Variants in POU6F2 observed in about 807,000 individuals in gnomAD.
POU6F2 encodes the protein POU class 6 homeobox 2, also known as POU domain, class 6, transcription factor 2.
A neutral mutation model predicts 71.3 loss-of-function variants in POU6F2; 31 were observed. That is an observed-to-expected ratio of 0.43 (90% CI 0.33 to 0.59). The LOEUF is 0.59. POU6F2 is among the 20% of genes least tolerant of loss of function. POU6F2 has a pLI of 0.04. For missense variants in POU6F2, 783 were observed against 856.8 expected (o/e 0.91, Z 1.07); for synonymous variants, 347 against 355.7 (o/e 0.98, Z 0.27).
At chr7:39,361,775 C>T (rs1175708545) in intron 5 of POU6F2, among the ~76,000 whole-genome samples, 4 of 152,314 alleles carry the variant, frequency 2.6e-5, no homozygotes, top group East Asian at 3.9e-4. Context: ...TCTCCTTACT[C>T]GTGCTGTTTG....
rs1466119664 is a variant in POU6F2, at chr7:39,016,040, T to TC, written c.105+37982_105+37983insC. Among the ~76,000 whole-genome samples the TC allele has an allele frequency of 4.4e-4, 24 of 54,568 alleles. 4 individuals are homozygous for TC. The East Asian group carries it at 8.0e-3, about 18-fold the overall frequency. 35.8% of individuals were successfully genotyped at this position (54,568 alleles called of 152,430 possible). A position where few individuals can be genotyped will look rare whatever the true frequency, so the allele number is the denominator to read the frequency against. ...TATATATATTATATATAGATATATATTATATATTATATATATTATATATAA... is the reference window on the plus strand; with the variant it reads ...TATATATATTATATATAGATATATATCTATATATTATATATATTATATATAA... On this transcript the variant is annotated intron_variant, in intron 1 of 9. Coordinates refer to ENST00000518318, the MANE Select transcript of POU6F2 (RefSeq NM_001370959.1).
At chr7:39,021,175 T>C (rs1789672426) in intron 1 of POU6F2, among the ~76,000 whole-genome samples, 1 of 151,974 alleles carries the variant, frequency 6.6e-6, no homozygotes, top group South Asian at 2.1e-4. Context: ...TACACTGTAA[T>C]GTTTGGTATA....
intron 1 of POU6F2, among the ~76,000 whole-genome samples, chr7:39,012,479 G>C (rs890924277): frequency 6.7e-6 from 1 of 149,126 alleles, no homozygotes; most frequent in African/African-American, 2.5e-5. Flanking sequence ...ATGTCCTCCC[G>C]TAGCTCAGAG....
At chr7:39,344,811 CTG>C (rs1785996040) in intron 5 of POU6F2, among the ~76,000 whole-genome samples, 1 of 152,152 alleles carries the variant, frequency 6.6e-6, no homozygotes, top group South Asian at 2.1e-4. Context: ...ACCCCTAAAA[CTG>C]TGTAGAGTTG....
chr7:39,249,428 C>A (rs932201054), intron 4 of POU6F2, among the ~76,000 whole-genome samples: 15 of 152,192 alleles, frequency 9.9e-5, no homozygotes, highest in Admixed American at 3.3e-4. Context: ...AAACGTACAG[C>A]ACCCACCACA....
chr7:39,074,935 A>T (rs886669645), intron 1 of POU6F2, among the ~76,000 whole-genome samples: 1 of 152,064 alleles, frequency 6.6e-6, no homozygotes, highest in Non-Finnish European at 1.5e-5. Flanking sequence ...ATATACTGTT[A>T]TTACCCCATT....
chr7:39,333,196 T>C (rs1052974050), intron 4 of POU6F2, among the ~76,000 whole-genome samples: 4 of 152,182 alleles, frequency 2.6e-5, no homozygotes, highest in Non-Finnish European at 2.9e-5. Context: ...CCTTCGCTTT[T>C]TATCTTTCCT....
At chr7:39,433,381 C>G in intron 7 of POU6F2, 98 bp downstream of exon 7, 1 of 1,336,326 alleles carries the variant, frequency 7.5e-7, no homozygotes, top group Non-Finnish European at 1.0e-6. Flanking sequence ...TTTTACATTA[C>G]AAAATAGTTG....
At chr7:39,237,011 CAG>C (rs1175079431) in intron 4 of POU6F2, among the ~76,000 whole-genome samples, 15 of 152,132 alleles carry the variant, frequency 9.9e-5, no homozygotes, top group Admixed American at 9.8e-4. Context: ...TGAAATAAAT[CAG>C]GGTATTGGGA....
intron 7 of POU6F2, 82 bp from the exon 8 acceptor site, chr7:39,451,451 C>G (rs889454601): frequency 2.2e-6 from 3 of 1,350,374 alleles, no homozygotes; most frequent in South Asian, 2.8e-5. Flanking sequence ...ATGATTCACT[C>G]CCAGATAAAA....
At chr7:39,252,827 C>T (rs572062187) in intron 4 of POU6F2, among the ~76,000 whole-genome samples, 1 of 152,268 alleles carries the variant, frequency 6.6e-6, no homozygotes, top group South Asian at 2.1e-4. Context: ...GAAAACGGCA[C>T]CCCCAAACTC....
chr7:39,446,907 G>A (rs952981227), intron 7 of POU6F2, among the ~76,000 whole-genome samples: 3 of 152,142 alleles, frequency 2.0e-5, no homozygotes, highest in Non-Finnish European at 2.9e-5. Flanking sequence ...AAACTCAGAC[G>A]GAGAGAAACT....
chr7:39,335,553 G>A (rs1211825656), intron 4 of POU6F2, among the ~76,000 whole-genome samples: 2 of 152,186 alleles, frequency 1.3e-5, no homozygotes, highest in Non-Finnish European at 1.5e-5. Context: ...ATCCTGTCAT[G>A]TAAGAGGTTT....
At chr7:39,454,185 G>A (rs189742496) in intron 8 of POU6F2, among the ~76,000 whole-genome samples, 5 of 152,302 alleles carry the variant, frequency 3.3e-5, no homozygotes, top group Admixed American at 3.3e-4. Context: ...GCAGGGCAAG[G>A]TCTGGAAGGA....
intron 2 of POU6F2, among the ~76,000 whole-genome samples, chr7:39,099,754 C>T (rs1791529838): frequency 6.6e-6 from 1 of 152,094 alleles, no homozygotes; most frequent in South Asian, 2.1e-4. Context: ...AAATAAGATG[C>T]CTGCACATGG....
chr7:39,354,795 T>C (rs1308498823), intron 5 of POU6F2, among the ~76,000 whole-genome samples: 1 of 152,220 alleles, frequency 6.6e-6, no homozygotes, highest in Non-Finnish European at 1.5e-5. Context: ...CTATTTCTGC[T>C]TTATCAGGAA....
At chr7:39,297,521 T>G (rs1457320371) in intron 4 of POU6F2, among the ~76,000 whole-genome samples, 1 of 152,188 alleles carries the variant, frequency 6.6e-6, no homozygotes, top group African/African-American at 2.4e-5. Flanking sequence ...AATCTATTGC[T>G]TTAACATATA....
chr7:39,020,310 T>C (rs2128706448), intron 1 of POU6F2, among the ~76,000 whole-genome samples: 1 of 152,324 alleles, frequency 6.6e-6, no homozygotes, highest in South Asian at 2.1e-4. Context: ...CTACTAAAGA[T>C]ACTCAAATAT....
At chr7:39,355,061 A>T (rs187071982) in intron 5 of POU6F2, among the ~76,000 whole-genome samples, 47 of 152,298 alleles carry the variant, frequency 3.1e-4, no homozygotes, top group African/African-American at 1.1e-3. Flanking sequence ...GCACATTTTT[A>T]AAATGAGGAT....
Sources: gnomAD v4.1 joint callset for allele counts (sites outside exome capture counted in the v4.1 genomes callset) on GRCh38, gnomAD v4.1.1 for gene constraint, MANE v1.5 for transcripts, NCBI Gene and HGNC (gene_info 2026-07-23, HGNC 2026-07-21) for gene names.